The following LY75 variants were observed in gnomAD, a reference collection of about 807,000 sequenced individuals.
The protein encoded by LY75 is C-type lectin domain family 13 member B.
In LY75, 185 loss-of-function variants were observed where a neutral mutation model predicts 231.7. The observed-to-expected ratio is 0.80, with a 90% CI of 0.71 to 0.90. The LOEUF is 0.90. LY75 is among the 40% of genes least tolerant of loss of function. The pLI is 0.00. For synonymous variants in LY75, 668 were observed against 689.0 expected (o/e 0.97, Z 0.48); for missense variants, 1,947 against 2,050.2 (o/e 0.95, Z 0.97).
intron 23 of LY75, among the ~76,000 whole-genome samples, chr2:159,845,664 A>C (rs926417736): frequency 3.9e-5 from 6 of 151,910 alleles, no homozygotes; most frequent in Admixed American, 3.9e-4. Flanking sequence ...GGTAATCTAG[A>C]GATGATTTAA....
At chr2:159,879,183 T>C (rs913008622) in intron 9 of LY75, 76 bp downstream of exon 9, 1 of 1,500,320 alleles carries the variant, frequency 6.7e-7, no homozygotes, top group Non-Finnish European at 9.0e-7. Flanking sequence ...GTCTGAGTTA[T>C]TTAAGTCTCA....
chr2:159,858,380 C>A lies in LY75; in HGVS notation c.2365G>T (p.Val789Leu), dbSNP rs780816646. The A allele has an allele frequency of 3.1e-6, 5 of 1,613,112 alleles. No individual in the cohort carries two copies. Among genetic ancestry groups the A allele is most frequent in the Non-Finnish European group, 4.2e-6 (5 of 1,179,594 alleles). Residue 789 changes from valine (V) to leucine (L), a missense_variant, in exon 16 of 35, where the codon GTG becomes TTG. Val to Leu is a conservative substitution (Grantham distance 32). Transcript: ENST00000263636. ...CACTTACCTTTTGGAATTTGGCACACCCATTCAAGTTTTGTATCACAAGCA... is the reference window on the plus strand; with the variant it reads ...CACTTACCTTTTGGAATTTGGCACAACCATTCAAGTTTTGTATCACAAGCA... The part of the protein sequence containing the change: ...PFACDTKLEW[V>L]CQIPKGRTPK...
chr2:159,882,824 A>G (rs895231195), intron 6 of LY75, among the ~76,000 whole-genome samples: 1 of 152,086 alleles, frequency 6.6e-6, no homozygotes, highest in Non-Finnish European at 1.5e-5. Context: ...ACAGAATAAG[A>G]CATTTATACA....
intron 23 of LY75, among the ~76,000 whole-genome samples, chr2:159,848,269 T>C (rs568911759): frequency 4.0e-5 from 6 of 151,760 alleles, no homozygotes; most frequent in African/African-American, 1.5e-4. Context: ...CTGGATGAGA[T>C]TGGAGACTAT....
At position 159,804,968 on chromosome 2, in the gene LY75, A is replaced by C. The variant is rs971569294; in HGVS notation, c.*76T>G. 11 of 1,182,086 alleles carry C rather than the reference A, an allele frequency of 9.3e-6. No homozygotes were observed. The South Asian group carries it at 1.5e-4, about 16-fold the overall frequency. The allele number at this position is 1,182,086 out of a possible 1,614,324, so 73.2% of individuals were successfully genotyped here. On this transcript the variant is annotated 3_prime_UTR_variant, in exon 35 of 35. Coordinates refer to ENST00000263636, the MANE Select transcript of LY75 (RefSeq NM_002349.4). ...AGAGTTCTACTTTGGAGCAGAGTAA[A>C]TACTGACACTGGGACATTTTAAGTG...
Position 159,899,026 on chromosome 2 carries a change from G to A in LY75, c.128C>T (p.Thr43Met), listed in dbSNP as rs752750404. The A allele has an allele frequency of 6.8e-6, 11 of 1,613,744 alleles. No homozygotes were observed. The highest frequency in any genetic ancestry group is 6.7e-5 in the East Asian group (3 of 44,880). Residue 43 changes from threonine to methionine, a missense_variant, in exon 2 of 35, where the codon ACG becomes ATG. By Grantham distance (81) the Thr-to-Met change is moderately conservative. Coordinates refer to ENST00000263636, the MANE Select transcript of LY75 (RefSeq NM_002349.4). ...ATACACTGGCTTGATGCACTTGCCC[G>A]TATTTCCATGGACGATGGTGAAGGG... is the stretch of plus-strand genomic sequence containing the variant. ...NDPFTIVHGN[T>M]GKCIKPVYGW...
intron 9 of LY75, among the ~76,000 whole-genome samples, chr2:159,878,959 A>G (rs1366475196): frequency 6.6e-6 from 1 of 152,194 alleles, no homozygotes; most frequent in Non-Finnish European, 1.5e-5. Flanking sequence ...CTGGCTCATC[A>G]TAAGAGTATA....
chr2:159,890,470 A>ATTT, intron 3 of LY75, 93 bp from the exon 4 acceptor site: 1 of 1,553,944 alleles, frequency 6.4e-7, no homozygotes, highest in Non-Finnish European at 8.7e-7. Context: ...CAATTTGCAT[A>ATTT]CTCTTAGGAT....
chr2:159,851,655 C>A (rs914858229), intron 21 of LY75, among the ~76,000 whole-genome samples: 1 of 152,174 alleles, frequency 6.6e-6, no homozygotes, highest in Non-Finnish European at 1.5e-5. Context: ...CATACATATA[C>A]CAACATGGAT....
intron 5 of LY75, among the ~76,000 whole-genome samples, chr2:159,886,048 C>T (rs145983352): frequency 3.8e-4 from 58 of 152,224 alleles, no homozygotes; most frequent in African/African-American, 1.2e-3. Context: ...AGTTTGAAAA[C>T]GAGCGGATAA....
At chr2:159,890,174 T>C (rs747593919) in intron 4 of LY75, 39 bp downstream of exon 4, 7 of 1,583,660 alleles carry the variant, frequency 4.4e-6, no homozygotes, top group Non-Finnish European at 6.0e-6. Flanking sequence ...CCTTTACAAT[T>C]TTAGCCAATT....
chr2:159,837,739 T>C (rs1683877048), intron 25 of LY75, among the ~76,000 whole-genome samples: 1 of 152,202 alleles, frequency 6.6e-6, no homozygotes, highest in African/African-American at 2.4e-5. Flanking sequence ...CACAGGACTA[T>C]GAGAAAGGAG....
intron 4 of LY75, among the ~76,000 whole-genome samples, chr2:159,887,132 T>C (rs1685611105): frequency 6.8e-6 from 1 of 147,552 alleles, no homozygotes; most frequent in Non-Finnish European, 1.5e-5. Context: ...ATATATAATA[T>C]AACATATATA....
chr2:159,865,383 C>T (rs1193000620), intron 13 of LY75, among the ~76,000 whole-genome samples: 1 of 152,052 alleles, frequency 6.6e-6, no homozygotes, highest in Non-Finnish European at 1.5e-5. Flanking sequence ...TTTAAACAAG[C>T]ATTTGAGTAT....
chr2:159,816,585 C>A (rs1257073749), intron 30 of LY75, among the ~76,000 whole-genome samples: 1 of 152,164 alleles, frequency 6.6e-6, no homozygotes, highest in Non-Finnish European at 1.5e-5. Flanking sequence ...AGATAGTCAT[C>A]CACTGGGCCC....
intron 28 of LY75, among the ~76,000 whole-genome samples, chr2:159,824,330 A>T (rs1385112799): frequency 6.6e-6 from 1 of 152,272 alleles, no homozygotes; most frequent in Non-Finnish European, 1.5e-5. Flanking sequence ...AATCTCTGAT[A>T]AAACAGACTT....
Position 159,882,228 on chromosome 2 carries a change from G to C in LY75, c.1142C>G (p.Ser381Cys), listed in dbSNP as rs376152893. The C allele has an allele frequency of 3.7e-6, 6 of 1,613,882 alleles. No homozygotes were observed. The highest frequency in any genetic ancestry group is 5.1e-6 in the Non-Finnish European group (6 of 1,179,932). The change falls in exon 7 of 35, where the codon TCC becomes TGC. Residue 381 changes from serine to cysteine, a missense_variant. Coordinates refer to ENST00000263636, the MANE Select transcript of LY75 (RefSeq NM_002349.4). Reference protein sequence around the residue: ...FCYLLVNESNSWDKAHAKCKA... With the variant: ...FCYLLVNESNCWDKAHAKCKA... ...GCATTTCGCATGTGCCTTATCCCAG[G>C]AATTACTTTCATTTACCAGCAGATA...
chr2:159,842,319 G>A lies in LY75; in HGVS notation c.3206C>T (p.Ser1069Leu), dbSNP rs1684060538. 6.2e-7 allele frequency: 1 copy of A among 1,612,634 alleles called. No homozygotes were observed. The highest frequency in any genetic ancestry group is 1.7e-5 in the Admixed American group (1 of 59,948). The change falls in exon 24 of 35, where the codon TCA becomes TTA. Residue 1069 changes from serine to leucine, a missense_variant. Transcript: ENST00000263636. ...AAAATTCCACGTCCCAGTAAACGGT[G>A]ATTTTTGGAGGTTGAGTATTAGGGC... is the stretch of plus-strand genomic sequence containing the variant. ...HCALILNLQK[S>L]PFTGTWNFTS...
chr2:159,837,505 T>A (rs916747628), intron 25 of LY75, among the ~76,000 whole-genome samples: 2 of 151,652 alleles, frequency 1.3e-5, no homozygotes, highest in African/African-American at 2.4e-5. Flanking sequence ...GGGGAGGGAG[T>A]GGAGCAAGGG....
Sources: gnomAD v4.1 joint callset for allele counts (sites outside exome capture counted in the v4.1 genomes callset) on GRCh38, gnomAD v4.1.1 for gene constraint, MANE v1.5 for transcripts, NCBI Gene and HGNC (gene_info 2026-07-23, HGNC 2026-07-21) for gene names.